Variants in CARMIL1 observed in about 807,000 individuals in gnomAD.
The protein encoded by CARMIL1 is capping protein regulator and myosin 1 linker 1, also known as F-actin-uncapping protein LRRC16A.
CARMIL1 carries 90 observed loss-of-function variants against 177.1 expected under a neutral mutation model. The ratio of observed to expected loss-of-function variants is 0.51; its 90% confidence interval spans 0.43 to 0.61. The LOEUF is 0.61. CARMIL1 is among the 20% of genes least tolerant of loss of function. CARMIL1 has a pLI of 0.00. For missense variants in CARMIL1, 1,380 were observed against 1,667.0 expected (o/e 0.83, Z 3.00); for synonymous variants, 577 against 606.2 (o/e 0.95, Z 0.71).
rs114321646 is a variant in CARMIL1 at position 25,380,767 on chromosome 6, A to G, written c.139-39347A>G. Among the ~76,000 whole-genome samples, 804 of 151,992 alleles carry G rather than the reference A, an allele frequency of 5.3e-3. 8 individuals are homozygous for G. Among genetic ancestry groups the G allele is most frequent in the African/African-American group, 0.012 (511 of 41,438 alleles). ...CTTTGCACCAGGCACTGTGTAGGTC[A>G]TTGGAAATTTACAAATAACTTAGAC... On this transcript the variant is annotated intron_variant, in intron 2 of 36. Transcript: ENST00000329474.
chr6:25,600,463 A>G lies in CARMIL1; in HGVS notation c.3269A>G (p.Glu1090Gly). 6.2e-7 allele frequency: 1 copy of G among 1,614,064 alleles called. No individual in the cohort carries two copies. The highest frequency in any genetic ancestry group is 8.5e-7 in the Non-Finnish European group (1 of 1,179,894). The change falls in exon 33 of 37, where the codon GAA (glutamate) becomes GGA (glycine). Residue 1090 changes from glutamate (E) to glycine (G), a missense_variant. Physicochemically the swap from Glu to Gly is moderately conservative, Grantham distance 98. Transcript: ENST00000329474. ...CGACCACCAACGATCTTGATGACAG[A>G]AGAACCCTCCTCACCAAAAGGGGCA... Reference protein sequence around the residue: ...SERPPTILMTEEPSSPKGAVR... With the variant: ...SERPPTILMTGEPSSPKGAVR...
chr6:25,440,707 A>T (rs1207096051), intron 5 of CARMIL1, among the ~76,000 whole-genome samples: 1 of 152,146 alleles, frequency 6.6e-6, no homozygotes, highest in Admixed American at 6.5e-5. Context: ...AATGCACAAT[A>T]GAACATGCAA....
chr6:25,393,556 C>CAA lies in CARMIL1; in HGVS notation c.139-26541_139-26540dup, dbSNP rs201908574. ...GGGCAACAAGAATGAAACTCCATCT[C>CAA]AAAAAAAAAAAAAAAAAATCATGGT... On this transcript the variant is annotated intron_variant, in intron 2 of 36. Coordinates refer to ENST00000329474, the MANE Select transcript of CARMIL1 (RefSeq NM_017640.6). 334 of 91,734 alleles carry CAA rather than the reference C, an allele frequency of 3.6e-3. 1 individual carries two copies. Among genetic ancestry groups the CAA allele is most frequent in the African/African-American group, 0.013 (295 of 22,992 alleles). The allele number at this position is 91,734 out of a possible 1,614,324, so 5.7% of individuals were successfully genotyped here. A position where few individuals can be genotyped will look rare whatever the true frequency, so the allele number is the denominator to read the frequency against.
At chr6:25,507,032 C>T (rs450681) in intron 17 of CARMIL1, among the ~76,000 whole-genome samples, 14 of 151,982 alleles carry the variant, frequency 9.2e-5, no homozygotes, top group East Asian at 7.7e-4. Flanking sequence ...TATTTTTAAC[C>T]GTTTAAAAAG....
intron 2 of CARMIL1, among the ~76,000 whole-genome samples, chr6:25,374,739 T>C (rs1790808132): frequency 6.6e-6 from 1 of 152,230 alleles, no homozygotes; most frequent in African/African-American, 2.4e-5. Flanking sequence ...TAATATCATC[T>C]TGTTCGATTG....
chr6:25,480,625 ATAT>A (rs1802003283), intron 11 of CARMIL1, among the ~76,000 whole-genome samples: 1 of 136,940 alleles, frequency 7.3e-6, no homozygotes, highest in African/African-American at 2.7e-5. Flanking sequence ...TTATATAATA[ATAT>A]TTTTAAATAA....
intron 4 of CARMIL1, among the ~76,000 whole-genome samples, chr6:25,435,168 T>G (rs1163203823): frequency 6.6e-6 from 1 of 152,166 alleles, no homozygotes; most frequent in Non-Finnish European, 1.5e-5. Context: ...AACACTTACT[T>G]CAGTTTCTAG....
rs772266705 is a variant in CARMIL1, at chr6:25,594,537, G to A, written c.3119+10G>A. On this transcript the variant is annotated intron_variant, in intron 32 of 36. Coordinates refer to ENST00000329474, the MANE Select transcript of CARMIL1 (RefSeq NM_017640.6). ...CCAAAATGGATTCCAAGTGAGTTCA[G>A]AGTAATTTCACTGATAATGCTATTT... The A allele has an allele frequency of 4.0e-5, 58 of 1,451,518 alleles. No individual in the cohort carries two copies. The East Asian group carries it at 1.3e-3, about 32-fold the overall frequency. 89.9% of individuals were successfully genotyped at this position (1,451,518 alleles called of 1,614,324 possible).
chr6:25,492,456 T>C (rs1271437613), intron 15 of CARMIL1, among the ~76,000 whole-genome samples: 4 of 152,236 alleles, frequency 2.6e-5, no homozygotes, highest in African/African-American at 7.2e-5. Context: ...ACTTCACTTA[T>C]ACACTCCTGA....
intron 2 of CARMIL1, among the ~76,000 whole-genome samples, chr6:25,407,948 A>G (rs538707651): frequency 8.1e-4 from 123 of 152,280 alleles, no homozygotes; most frequent in African/African-American, 2.8e-3. Context: ...CTGAGGCCTC[A>G]GATTCTGCAT....
intron 17 of CARMIL1, among the ~76,000 whole-genome samples, 165 bp downstream of exon 17, chr6:25,500,400 A>G (rs1804194074): frequency 6.6e-6 from 1 of 152,228 alleles, no homozygotes; most frequent in South Asian, 2.1e-4. Context: ...TCATCTACAG[A>G]CAGCCACAGA....
intron 2 of CARMIL1, among the ~76,000 whole-genome samples, chr6:25,369,789 T>C (rs1790223755): frequency 6.6e-6 from 1 of 152,198 alleles, no homozygotes; most frequent in Non-Finnish European, 1.5e-5. Context: ...TGGAAACTTT[T>C]GTGAAGAAAC....
intron 2 of CARMIL1, among the ~76,000 whole-genome samples, chr6:25,288,928 T>A (rs1781731748): frequency 6.6e-6 from 1 of 152,256 alleles, no homozygotes. Context: ...GTTTCTTTAC[T>A]GCATGAGTTT....
At chr6:25,537,800 A>G (rs1236619798) in intron 24 of CARMIL1, 55 bp from the exon 25 acceptor site, 8 of 1,598,720 alleles carry the variant, frequency 5.0e-6, no homozygotes, top group African/African-American at 1.3e-5. Flanking sequence ...GTTTCCTTCT[A>G]TCTGAATATC....
At chr6:25,576,307 G>A (rs543907115) in intron 29 of CARMIL1, among the ~76,000 whole-genome samples, 1 of 152,046 alleles carries the variant, frequency 6.6e-6, no homozygotes, top group Admixed American at 6.6e-5. Flanking sequence ...AAAATGTAAG[G>A]TGACCTAAAT....
intron 4 of CARMIL1, among the ~76,000 whole-genome samples, chr6:25,431,022 T>TTTA (rs1408222890): frequency 6.6e-6 from 1 of 152,162 alleles, no homozygotes; most frequent in Non-Finnish European, 1.5e-5. Flanking sequence ...CAACTTTTTT[T>TTTA]TTATTATTAT....
chr6:25,556,826 T>C lies in CARMIL1; in HGVS notation c.2718T>C (p.Arg906=), dbSNP rs1810649523. ...TGGAGGAGCTAACAGAGATAGAGCG[T>C]TTGGAAGATCTGGATACCTGTATGG... ...ITVEELTEIE[R]LEDLDTCMMT... is the part of the protein sequence containing the mutation. Residue 906 remains arginine (R), a synonymous_variant, in exon 29 of 37, where the codon CGT becomes CGC. Transcript: ENST00000329474. 1.9e-6 allele frequency: 3 copies of C among 1,613,386 alleles called. No homozygotes were observed. In the East Asian group the frequency reaches 6.7e-5, roughly 36 times the overall value.
intron 4 of CARMIL1, among the ~76,000 whole-genome samples, chr6:25,429,773 A>G (rs1400168507): frequency 2.1e-5 from 3 of 145,214 alleles, no homozygotes; most frequent in East Asian, 1.9e-4. Flanking sequence ...ATGATTAGTT[A>G]TATTGATTAA....
At chr6:25,469,869 T>C (rs150317734) in intron 9 of CARMIL1, among the ~76,000 whole-genome samples, 2 of 152,166 alleles carry the variant, frequency 1.3e-5, no homozygotes, top group African/African-American at 4.8e-5. Flanking sequence ...CTTTTTAATG[T>C]ATAAGTAATA....
Sources: gnomAD v4.1 joint callset for allele counts (sites outside exome capture counted in the v4.1 genomes callset) on GRCh38, gnomAD v4.1.1 for gene constraint, MANE v1.5 for transcripts, NCBI Gene and HGNC (gene_info 2026-07-23, HGNC 2026-07-21) for gene names.